Variants in ARHGAP15 observed in about 807,000 individuals in gnomAD.
ARHGAP15 encodes the protein rho GTPase-activating protein 15.
In ARHGAP15, 51 loss-of-function variants were observed where a neutral mutation model predicts 63.7. That is an observed-to-expected ratio of 0.80 (90% CI 0.64 to 1.01). The LOEUF (loss-of-function observed/expected upper bound fraction) is 1.01, where lower values mean the gene tolerates loss of function less well. Among genes scored for constraint, ARHGAP15 ranks in the 50% least tolerant of loss-of-function variants. The pLI is 0.00. For missense variants in ARHGAP15, 560 were observed against 564.6 expected (o/e 0.99, Z 0.08); for synonymous variants, 191 against 193.8 (o/e 0.99, Z 0.12).
chr2:143,136,261 C>G (rs919286662), intron 1 of ARHGAP15, among the ~76,000 whole-genome samples: 3 of 151,746 alleles, frequency 2.0e-5, no homozygotes, highest in African/African-American at 7.3e-5. Context: ...GTTCACGTGA[C>G]TTTTCTCAAT....
chr2:143,309,985 TATTA>T (rs914906652), intron 6 of ARHGAP15, among the ~76,000 whole-genome samples: 13 of 152,072 alleles, frequency 8.5e-5, no homozygotes, highest in Non-Finnish European at 8.8e-5. Flanking sequence ...TATTTTCAAT[TATTA>T]ATTTTATGTT....
intron 2 of ARHGAP15, among the ~76,000 whole-genome samples, chr2:143,185,290 C>A (rs1691396895): frequency 6.6e-6 from 1 of 152,156 alleles, no homozygotes; most frequent in Admixed American, 6.5e-5. Context: ...CTTTAATTTA[C>A]TTCGTCCCTA....
intron 1 of ARHGAP15, among the ~76,000 whole-genome samples, chr2:143,139,066 C>T (rs546055862): frequency 8.5e-5 from 13 of 152,134 alleles, no homozygotes; most frequent in Middle Eastern, 3.4e-3. Context: ...TCCTCAAATA[C>T]GGTCCTTAAA....
At chr2:143,302,846 G>C (rs1682968076) in intron 6 of ARHGAP15, among the ~76,000 whole-genome samples, 1 of 151,946 alleles carries the variant, frequency 6.6e-6, no homozygotes, top group African/African-American at 2.4e-5. Context: ...ACCCTGATTG[G>C]TGAGGATAAA....
At chr2:143,404,618 G>A (rs891251430) in intron 6 of ARHGAP15, among the ~76,000 whole-genome samples, 7 of 151,882 alleles carry the variant, frequency 4.6e-5, no homozygotes, top group African/African-American at 1.4e-4. Context: ...TCTTTGTTCA[G>A]CTTAAATAAG....
At chr2:143,361,780 C>T (rs954714201) in intron 6 of ARHGAP15, among the ~76,000 whole-genome samples, 2 of 152,148 alleles carry the variant, frequency 1.3e-5, no homozygotes, top group East Asian at 1.9e-4. Flanking sequence ...TCACATCAGA[C>T]TTCTTGACCC....
intron 12 of ARHGAP15, among the ~76,000 whole-genome samples, chr2:143,636,855 A>C (rs114580840): frequency 6.3e-4 from 96 of 152,224 alleles, no homozygotes; most frequent in African/African-American, 2.3e-3. Flanking sequence ...TGTGTGGCTT[A>C]AATAATGGAA....
chr2:143,630,582 T>A (rs937442833), intron 12 of ARHGAP15, among the ~76,000 whole-genome samples: 5 of 152,140 alleles, frequency 3.3e-5, no homozygotes, highest in African/African-American at 1.2e-4. Context: ...ATTTATCAAC[T>A]ATGGATAATA....
chr2:143,175,608 T>C (rs940324748), intron 2 of ARHGAP15, among the ~76,000 whole-genome samples: 1 of 152,146 alleles, frequency 6.6e-6, no homozygotes, highest in Non-Finnish European at 1.5e-5. Context: ...TGAAGAAAAG[T>C]AGTGGGGATA....
At chr2:143,236,755 G>A (rs1339846459) in intron 5 of ARHGAP15, 2 of 152,160 alleles carry the variant, frequency 1.3e-5, no homozygotes, top group East Asian at 3.8e-4. Context: ...AATTAATAGT[G>A]AACTATGGAA....
chr2:143,572,108 C>T (rs1462286115), intron 11 of ARHGAP15: 1 of 152,250 alleles, frequency 6.6e-6, no homozygotes. Context: ...ATGCTGGAGA[C>T]TGAGCTATTT....
chr2:143,315,005 CTTTAT>C (rs1203800962), intron 6 of ARHGAP15, among the ~76,000 whole-genome samples: 3 of 152,144 alleles, frequency 2.0e-5, no homozygotes, highest in Admixed American at 6.5e-5. Flanking sequence ...ATGTACGTAT[CTTTAT>C]TTTTATGTAT....
intron 10 of ARHGAP15, among the ~76,000 whole-genome samples, chr2:143,553,084 C>T (rs896766433): frequency 2.6e-5 from 4 of 152,124 alleles, no homozygotes; most frequent in Non-Finnish European, 4.4e-5. Context: ...GAGGATGGCA[C>T]GTGAATAATT....
chr2:143,658,707 T>C (rs987672091), intron 12 of ARHGAP15, among the ~76,000 whole-genome samples: 2 of 152,188 alleles, frequency 1.3e-5, no homozygotes, highest in African/African-American at 4.8e-5. Context: ...TTGTGGAGAA[T>C]GCTCACCAGT....
intron 12 of ARHGAP15, among the ~76,000 whole-genome samples, chr2:143,687,214 T>G: frequency 6.6e-6 from 1 of 150,630 alleles, no homozygotes; most frequent in South Asian, 2.1e-4. Context: ...GGCTCAGGTA[T>G]GAGAAAAAAT....
intron 13 of ARHGAP15, among the ~76,000 whole-genome samples, chr2:143,712,509 C>T (rs1198815350): frequency 6.6e-6 from 1 of 152,036 alleles, no homozygotes; most frequent in Non-Finnish European, 1.5e-5. Context: ...TGAATGCCTC[C>T]AAGGGACCGT....
intron 6 of ARHGAP15, among the ~76,000 whole-genome samples, chr2:143,356,009 C>G (rs2105325029): frequency 6.6e-6 from 1 of 151,740 alleles, no homozygotes; most frequent in African/African-American, 2.4e-5. Flanking sequence ...CTATATGACT[C>G]ACACACAAAA....
intron 9 of ARHGAP15, among the ~76,000 whole-genome samples, chr2:143,514,356 A>T (rs1693714510): frequency 6.6e-6 from 1 of 152,238 alleles, no homozygotes; most frequent in South Asian, 2.1e-4. Flanking sequence ...AAGAGGTGCC[A>T]TAAAATTTGG....
At chr2:143,435,491 T>C (rs1689570334) in intron 6 of ARHGAP15, 110 bp from the exon 7 acceptor site, 1 of 1,345,664 alleles carries the variant, frequency 7.4e-7, no homozygotes, top group African/African-American at 1.5e-5. Flanking sequence ...CAAGAAAATA[T>C]TTCATTTTAT....
Sources: allele counts gnomAD v4.1 joint callset (sites outside exome capture counted in the v4.1 genomes callset), GRCh38; gene constraint gnomAD v4.1.1; transcripts MANE v1.5; gene names NCBI Gene and HGNC (gene_info 2026-07-23, HGNC 2026-07-21).